The following KLHDC4 variants were observed in gnomAD, a reference collection of about 807,000 sequenced individuals.
KLHDC4 encodes kelch domain containing 4.
A neutral mutation model predicts 62.4 loss-of-function variants in KLHDC4; 90 were observed. The observed-to-expected ratio is 1.44, with a 90% CI of 1.22 to 1.72. KLHDC4 has a LOEUF of 1.72. KLHDC4 is among the 40% of genes most tolerant of loss of function. The probability of loss-of-function intolerance (pLI) is 0.00; values close to 1 mark genes in which losing one functional copy is unlikely to be tolerated. For missense variants in KLHDC4, 1,025 were observed against 699.7 expected, an observed-to-expected ratio of 1.47 and a Z score of -5.25; for synonymous variants, 386 against 284.4, an observed-to-expected ratio of 1.36 and a Z score of -3.59.
chr16:87,711,406 G>T lies in KLHDC4; in HGVS notation c.873C>A (p.Val291=). 1.2e-6 allele frequency: 2 copies of T among 1,613,156 alleles called. No individual in the cohort carries two copies. The highest frequency in any genetic ancestry group is 1.7e-6 in the Non-Finnish European group (2 of 1,180,000). Reference sequence around the variant, plus strand: ...AAAAGCCAGACCGTGGGGTGGGCTTGACCCCCGAAGGGTTCATCCGAGTCC... The same window carrying T: ...AAAAGCCAGACCGTGGGGTGGGCTTTACCCCCGAAGGGTTCATCCGAGTCC... ...WVWTRMNPSG[V]KPTPRSGFSV... Residue 291 remains valine (V), a synonymous_variant, in exon 9 of 12, where the codon GTC becomes GTA. Coordinates refer to ENST00000270583, the MANE Select transcript of KLHDC4 (RefSeq NM_017566.4).
intron 2 of KLHDC4, among the ~76,000 whole-genome samples, chr16:87,760,819 G>A (rs572782902): frequency 3.4e-4 from 51 of 152,116 alleles, no homozygotes; most frequent in Non-Finnish European, 5.3e-4. Flanking sequence ...GATTACCTAA[G>A]GTCAGGAGTT....
chr16:87,710,063 G>A (rs1467033565), intron 9 of KLHDC4: 1 of 186,322 alleles, frequency 5.4e-6, no homozygotes, highest in Admixed American at 5.5e-5. Context: ...GGGGAAGCCA[G>A]GCTGAGGGGC....
chr16:87,711,423 T>C lies in KLHDC4; in HGVS notation c.856A>G (p.Met286Val). ...GTGGGCTTGACCCCCGAAGGGTTCA[T>C]CCGAGTCCAAACCCACTTGTCTGTC... ...GREDKWVWTR[M>V]NPSGVKPTPR... Residue 286 changes from methionine to valine, a missense_variant, in exon 9 of 12, where the codon ATG becomes GTG. Transcript: ENST00000270583. 1 of 1,611,642 alleles carries C rather than the reference T, an allele frequency of 6.2e-7. No homozygotes were observed. Among genetic ancestry groups the C allele is most frequent in the Non-Finnish European group, 8.5e-7 (1 of 1,179,564 alleles).
In KLHDC4 at chr16:87,765,935, G is replaced by T. The variant is rs1034047041; in HGVS notation, c.-45C>A. 3.9e-6 allele frequency: 6 copies of T among 1,528,448 alleles called. No homozygotes were observed. Among genetic ancestry groups the T allele is most frequent in the South Asian group, 2.4e-5 (2 of 83,574 alleles). The allele number at this position is 1,528,448 out of a possible 1,614,324, so 94.7% of individuals were successfully genotyped here. ...CGACGGGACACCAGGAAAGAAAACGGCCCGCGCTCTCCGCTCGGAAACAGG... is the reference window on the plus strand; with the variant it reads ...CGACGGGACACCAGGAAAGAAAACGTCCCGCGCTCTCCGCTCGGAAACAGG... On this transcript the variant is annotated 5_prime_UTR_variant, in exon 1 of 12. Transcript: ENST00000270583.
At chr16:87,765,360 G>A (rs1260115048) in intron 1 of KLHDC4, 3 of 461,238 alleles carry the variant, frequency 6.5e-6, no homozygotes, top group South Asian at 3.1e-5. Context: ...GAAAAGTAAG[G>A]TTCAGAAAAG....
intron 5 of KLHDC4, among the ~76,000 whole-genome samples, chr16:87,746,691 AAAAAG>A (rs1321968881): frequency 1.3e-5 from 2 of 152,202 alleles, no homozygotes; most frequent in Admixed American, 1.3e-4. Context: ...TGATTCTGGC[AAAAAG>A]AAGAGAGTGA....
intron 5 of KLHDC4, among the ~76,000 whole-genome samples, chr16:87,737,590 C>CTTTTT (rs10709997): frequency 7.7e-6 from 1 of 130,404 alleles, no homozygotes; most frequent in East Asian, 2.2e-4. Flanking sequence ...ACAAATCAGT[C>CTTTTT]TTTTTTTTTT....
At position 87,711,271 on chromosome 16, in the gene KLHDC4, G is replaced by C. The variant is rs146256092; in HGVS notation, c.1008C>G (p.Asp336Glu). ...CCTCAAACCAACGGTTCCTGGTGGC[G>C]TCGTAGAAGTACAGATCGTTGAAGA... ...GEFFNDLYFY[D>E]ATRNRWFEGQ... The change falls in exon 9 of 12, where the codon GAC becomes GAG. Residue 336 changes from aspartate to glutamate, a missense_variant. Physicochemically the swap from Asp to Glu is conservative, Grantham distance 45 (BLOSUM62 2). Transcript: ENST00000270583. 1.2e-6 allele frequency: 2 copies of C among 1,614,146 alleles called. No individual in the cohort carries two copies. The highest frequency in any genetic ancestry group is 2.2e-5 in the East Asian group (1 of 44,882).
intron 7 of KLHDC4, among the ~76,000 whole-genome samples, chr16:87,717,497 T>C (rs2037235656): frequency 6.6e-6 from 1 of 152,206 alleles, no homozygotes; most frequent in Non-Finnish European, 1.5e-5. Flanking sequence ...ACATTGGCCA[T>C]ATGGAGAGTG....
chr16:87,746,440 CCT>C (rs1310734596), intron 5 of KLHDC4, among the ~76,000 whole-genome samples: 1 of 152,070 alleles, frequency 6.6e-6, no homozygotes, highest in African/African-American at 2.4e-5. Context: ...CCCTCCATTC[CCT>C]GACCTCCAAA....
intron 4 of KLHDC4, among the ~76,000 whole-genome samples, chr16:87,753,284 G>C (rs2044310875): frequency 6.6e-6 from 1 of 152,228 alleles, no homozygotes; most frequent in Non-Finnish European, 1.5e-5. Flanking sequence ...ATCTTCTGAT[G>C]CTGAGAACTA....
At chr16:87,706,385 G>A (rs933540001), downstream of KLHDC4, among the ~76,000 whole-genome samples, 5 of 129,552 alleles carry the variant, frequency 3.9e-5, no homozygotes, top group Admixed American at 7.6e-5. Context: ...GGGTCGGCGT[G>A]GGGGGGTTGG....
At chr16:87,714,071 C>T (rs1044031883) in intron 8 of KLHDC4, among the ~76,000 whole-genome samples, 5 of 152,132 alleles carry the variant, frequency 3.3e-5, no homozygotes, top group African/African-American at 7.2e-5. Context: ...AGCTGCTGCC[C>T]GCAACCACCC....
intron 7 of KLHDC4, among the ~76,000 whole-genome samples, chr16:87,723,145 C>T (rs2038739163): frequency 1.3e-5 from 2 of 152,240 alleles, no homozygotes; most frequent in South Asian, 2.1e-4. Context: ...TCTATCAGTT[C>T]GTGCACACTG....
chr16:87,725,937 G>T (rs986775216), intron 7 of KLHDC4, among the ~76,000 whole-genome samples: 4 of 152,080 alleles, frequency 2.6e-5, no homozygotes, highest in African/African-American at 4.8e-5. Context: ...GAGCGTCCAT[G>T]GTGCAGGAAG....
intron 1 of KLHDC4, among the ~76,000 whole-genome samples, chr16:87,762,443 G>T (rs973632240): frequency 6.6e-6 from 1 of 152,110 alleles, no homozygotes; most frequent in Non-Finnish European, 1.5e-5. Context: ...CAAGCCCATC[G>T]TGACTTCACT....
At chr16:87,715,073 C>G (rs981506055) in intron 7 of KLHDC4, among the ~76,000 whole-genome samples, 2 of 152,186 alleles carry the variant, frequency 1.3e-5, no homozygotes, top group Non-Finnish European at 2.9e-5. Flanking sequence ...CCTTAGTCTT[C>G]TGCCTCAAGT....
chr16:87,735,959 T>C (rs746330581), intron 5 of KLHDC4, among the ~76,000 whole-genome samples: 1 of 152,204 alleles, frequency 6.6e-6, no homozygotes, highest in Non-Finnish European at 1.5e-5. Context: ...ACACTCTGCA[T>C]GCAAACGCTT....
chr16:87,717,803 C>A (rs1373819953), intron 7 of KLHDC4, among the ~76,000 whole-genome samples: 1 of 149,020 alleles, frequency 6.7e-6, no homozygotes, highest in Non-Finnish European at 1.5e-5. Flanking sequence ...CGCTGCTTAG[C>A]TTCGGCAGGT....
Sources: gnomAD v4.1 joint callset for allele counts (sites outside exome capture counted in the v4.1 genomes callset) on GRCh38, gnomAD v4.1.1 for gene constraint, MANE v1.5 for transcripts, NCBI Gene and HGNC (gene_info 2026-07-23, HGNC 2026-07-21) for gene names.